Variants in STAT1 observed in about 807,000 individuals in gnomAD.
STAT1 encodes signal transducer and activator of transcription 1.
Under a neutral mutation model 111.7 loss-of-function variants are expected in STAT1, and 24 were observed. The ratio of observed to expected loss-of-function variants is 0.21; its 90% CI spans 0.16 to 0.30. The LOEUF is 0.30. Among genes scored for constraint, STAT1 ranks in the 10% least tolerant of loss-of-function variants. The pLI is 1.00. For synonymous variants in STAT1, 332 were observed against 326.5 expected (o/e 1.02, Z -0.18); for missense variants, 351 against 911.9 (o/e 0.38, Z 7.92).
At chr2:190,972,078 G>GAGAT (rs1044785381) in intron 24 of STAT1, among the ~76,000 whole-genome samples, 1 of 152,106 alleles carries the variant, frequency 6.6e-6, no homozygotes, top group South Asian at 2.1e-4. Context: ...GAGGGAGGGG[G>GAGAT]AGATAGATAG....
rs1036280979 is a variant in STAT1 at position 191,006,493 on chromosome 2, G to A, written c.372+1070C>T. ...AAGGACTGGGACAAATGCTCAGGCA[G>A]TGTGTGGAGAATGGCATCCTCCACC... On this transcript the variant is annotated intron_variant, in intron 5 of 24. Transcript: ENST00000361099. The surrounding 1 kb of genome is among the most constrained non-coding windows in gnomAD (Gnocchi z 4.6). 1.3e-5 allele frequency among the ~76,000 whole-genome samples: 2 copies of A among 152,192 alleles called. No individual in the cohort carries two copies. The highest frequency in any genetic ancestry group is 2.4e-5 in the African/African-American group (1 of 41,446).
In STAT1 at chr2:190,980,577, A is replaced by G; in HGVS notation, c.1632+43T>C. The G allele has an allele frequency of 6.2e-7, 1 of 1,603,098 alleles. No homozygotes were observed. Among genetic ancestry groups the G allele is most frequent in the Non-Finnish European group, 8.5e-7 (1 of 1,169,910 alleles). ...AAGAAACATGAGAACCTCAACCAAG[A>G]GCAAAAAGGACTTAGAGAGCATAAA... On this transcript the variant is annotated intron_variant, in intron 19 of 24. Transcript: ENST00000361099. This position sits in a 1 kb window ranked among gnomAD's most constrained non-coding sequence, Gnocchi z 6.1.
At chr2:191,001,271 T>C (rs1694248712) in intron 5 of STAT1, 108 bp from the exon 6 acceptor site, 1 of 834,404 alleles carries the variant, frequency 1.2e-6, no homozygotes, top group Admixed American at 1.8e-5. Flanking sequence ...TTCTGACATG[T>C]ACTACAGGCT....
chr2:190,977,101 G>T lies in STAT1; in HGVS notation c.1874-76C>A. ...GAGGACAGAGAAATAAAACACTGCA[G>T]AGTTGATGGATTTGAGTGAACCTCA... On this transcript the variant is annotated intron_variant, in intron 21 of 24. Transcript: ENST00000361099. The surrounding 1 kb of genome is among the most constrained non-coding windows in gnomAD (Gnocchi z 4.7). 1 of 1,440,678 alleles carries T rather than the reference G, an allele frequency of 6.9e-7. No individual in the cohort carries two copies. 89.2% of individuals were successfully genotyped at this position (1,440,678 alleles called of 1,614,324 possible).
In STAT1 at chr2:190,979,798, T is replaced by C; in HGVS notation, c.1701A>G (p.Lys567=). ...WIESILELIK[K]HLLPLWNDGC... Reference sequence around the variant, plus strand: ...CATCATTCCAGAGAGGGAGCAGGTGTTTTTTAATGAGTTCTAGGATGCTTT... The same window carrying C: ...CATCATTCCAGAGAGGGAGCAGGTGCTTTTTAATGAGTTCTAGGATGCTTT... The change falls in exon 20 of 25, where the codon AAA becomes AAG. Residue 567 remains lysine (K), a synonymous_variant. Coordinates refer to ENST00000361099, the MANE Select transcript of STAT1 (RefSeq NM_007315.4). The surrounding 1 kb of genome is among the most constrained non-coding windows in gnomAD (Gnocchi z 5.8). 1 of 1,613,666 alleles carries C rather than the reference T, an allele frequency of 6.2e-7. No homozygotes were observed. The highest frequency in any genetic ancestry group is 8.5e-7 in the Non-Finnish European group (1 of 1,179,608).
intron 10 of STAT1, chr2:190,992,621 A>G (rs573185337): frequency 6.5e-6 from 7 of 1,074,944 alleles, no homozygotes; most frequent in African/African-American, 3.3e-5. Context: ...TACTGTGAGA[A>G]AAGGATGGAG....
chr2:190,994,106 G>T (rs1332585305), intron 10 of STAT1, among the ~76,000 whole-genome samples: 1 of 152,212 alleles, frequency 6.6e-6, no homozygotes, highest in African/African-American at 2.4e-5. Context: ...AAGCTTTCGG[G>T]ATGATACAAT....
At chr2:191,013,907 T>G in intron 1 of STAT1, 111 bp downstream of exon 1, 1 of 366,164 alleles carries the variant, frequency 2.7e-6, no homozygotes, top group East Asian at 3.9e-5. Flanking sequence ...GGGATCACTA[T>G]TCGCGGGTCA....
At position 190,990,466 on chromosome 2, in the gene STAT1, A is replaced by G. The variant is rs1250689291; in HGVS notation, c.1037+762T>C. 1.3e-5 allele frequency among the ~76,000 whole-genome samples: 2 copies of G among 152,250 alleles called. No individual in the cohort carries two copies. The highest frequency in any genetic ancestry group is 2.9e-5 in the Non-Finnish European group (2 of 68,048). The stretch of plus-strand genomic sequence containing the variant: ...ATAAGAAGAATGCTTAAAGCAATGC[A>G]GCCATTCAATGGAAGAAAGTAAAGC... On this transcript the variant is annotated intron_variant, in intron 11 of 24. Transcript: ENST00000361099. The surrounding 1 kb of genome is among the most constrained non-coding windows in gnomAD (Gnocchi z 5.1).
At position 190,997,557 on chromosome 2, in the gene STAT1, G is replaced by A. The variant is rs1162492013; in HGVS notation, c.785+299C>T. Among the ~76,000 whole-genome samples, 1 of 152,136 alleles carries A rather than the reference G, an allele frequency of 6.6e-6. No homozygotes were observed. Among genetic ancestry groups the A allele is most frequent in the East Asian group, 1.9e-4 (1 of 5,180 alleles). ...TATCTTGTTTTTAAGGAAACATTAA[G>A]AGTCAAGTCATTAAATGTGTTCTAT... On this transcript the variant is annotated intron_variant, in intron 9 of 24. Transcript: ENST00000361099. This position sits in a 1 kb window ranked among gnomAD's most constrained non-coding sequence, Gnocchi z 7.3.
At chr2:191,005,378 T>C (rs996642161) in intron 5 of STAT1, among the ~76,000 whole-genome samples, 1 of 152,234 alleles carries the variant, frequency 6.6e-6, no homozygotes, top group African/African-American at 2.4e-5. Context: ...CAGTCAACGA[T>C]GGACCGCGTA....
chr2:190,994,251 G>A (rs1374319519), intron 10 of STAT1, among the ~76,000 whole-genome samples: 1 of 152,198 alleles, frequency 6.6e-6, no homozygotes, highest in Non-Finnish European at 1.5e-5. Context: ...AGGGGCGTGT[G>A]TGGACGTGAA....
Position 190,985,611 on chromosome 2 carries a change from A to G in STAT1, c.1263+8T>C, listed in dbSNP as rs752721460. ...TTGGGCCCATTCACAACATAAAGGG[A>G]CTCTCACCTCATTCGTTCTGGTGCC... On this transcript the variant is annotated splice_region_variant and intron_variant, in intron 15 of 24. Coordinates refer to ENST00000361099, the MANE Select transcript of STAT1 (RefSeq NM_007315.4). 9.3e-6 allele frequency: 15 copies of G among 1,614,010 alleles called. No individual in the cohort carries two copies. In the South Asian group the frequency reaches 1.5e-4, roughly 17 times the overall value.
At chr2:191,013,057 C>T (rs1019371383) in intron 2 of STAT1, among the ~76,000 whole-genome samples, 2 of 152,170 alleles carry the variant, frequency 1.3e-5, no homozygotes, top group African/African-American at 4.8e-5. Flanking sequence ...GGGTATTTTG[C>T]TTTTTAACAT....
rs926025430 is a variant in STAT1, at chr2:190,998,527, T to C, written c.542-219A>G. Among the ~76,000 whole-genome samples the C allele has an allele frequency of 5.9e-5, 9 of 152,048 alleles. No homozygotes were observed. Among genetic ancestry groups the C allele is most frequent in the African/African-American group, 1.9e-4 (8 of 41,406 alleles). ...GTTTTCAAAAATTAGCCGGGCGCAG[T>C]GGCAGACGCCTGTAGTCCCAGCTAC... On this transcript the variant is annotated intron_variant, in intron 7 of 24. Coordinates refer to ENST00000361099, the MANE Select transcript of STAT1 (RefSeq NM_007315.4). This position sits in a 1 kb window ranked among gnomAD's most constrained non-coding sequence, Gnocchi z 4.1.
At chr2:191,001,807 CA>C (rs1694289317) in intron 5 of STAT1, among the ~76,000 whole-genome samples, 1 of 152,116 alleles carries the variant, frequency 6.6e-6, no homozygotes, top group Admixed American at 6.6e-5. Flanking sequence ...CTTCATACAC[CA>C]GATGTACCCT....
chr2:190,988,087 C>G (rs1358154550), intron 12 of STAT1, among the ~76,000 whole-genome samples: 2 of 152,214 alleles, frequency 1.3e-5, no homozygotes, highest in East Asian at 3.8e-4. Context: ...TCCCCCGAAT[C>G]TCAGCTGGCC....
At chr2:190,991,377 T>TC in intron 10 of STAT1, 57 bp from the exon 11 acceptor site, 1 of 1,539,556 alleles carries the variant, frequency 6.5e-7, no homozygotes, top group Non-Finnish European at 9.0e-7. Flanking sequence ...GTTGAGGCAA[T>TC]CACAATGATT....
At position 190,979,137 on chromosome 2, in the gene STAT1, T is replaced by TTTAAAA; in HGVS notation, c.1728-137_1728-136insTTTTAA. ...GTAAAAAACGTAGACTATTTTAAAA[T>TTTAAAA]CTGTTCAGTTGACACTTAAGGAAGC... On this transcript the variant is annotated intron_variant, in intron 20 of 24. Transcript: ENST00000361099. This position sits in a 1 kb window ranked among gnomAD's most constrained non-coding sequence, Gnocchi z 5.8. The TTTAAAA allele has an allele frequency of 2.5e-6, 3 of 1,181,134 alleles. No individual in the cohort carries two copies. The highest frequency in any genetic ancestry group is 3.7e-6 in the Non-Finnish European group (3 of 820,868). 73.2% of individuals were successfully genotyped at this position (1,181,134 alleles called of 1,614,324 possible). A position where few individuals can be genotyped will look rare whatever the true frequency, so the allele number is the denominator to read the frequency against.
Sources: allele counts gnomAD v4.1 joint callset (sites outside exome capture counted in the v4.1 genomes callset), GRCh38; gene constraint gnomAD v4.1.1; non-coding constraint Gnocchi (gnomAD v3.1); transcripts MANE v1.5; gene names NCBI Gene and HGNC (gene_info 2026-07-23, HGNC 2026-07-21).